TCEAL2: variants seen among roughly 807,000 people sequenced by gnomAD.
The protein encoded by TCEAL2 is transcription elongation factor A protein-like 2.
For synonymous variants in TCEAL2, 65 were observed against 57.9 expected (o/e 1.12, Z -0.55); for missense variants, 169 against 166.6 (o/e 1.01, Z -0.08).
At position 102,126,791 on chromosome X, in the gene TCEAL2, A is replaced by T. The variant is rs752874475; in HGVS notation, c.-27-13A>T. ...CCTCTTTGTCTCCTCTTCCCTCCACACCCATCCCCCAGGAAAGGAAAAGGA... is the reference window on the plus strand; with the variant it reads ...CCTCTTTGTCTCCTCTTCCCTCCACTCCCATCCCCCAGGAAAGGAAAAGGA... On this transcript the variant is annotated splice_polypyrimidine_tract_variant and intron_variant, in intron 2 of 2. Coordinates refer to ENST00000372780, the MANE Select transcript of TCEAL2 (RefSeq NM_080390.4). 3.0e-5 allele frequency: 35 copies of T among 1,171,012 alleles called. No individual in the cohort carries two copies. The highest frequency in any genetic ancestry group is 6.0e-5 in the East Asian group (2 of 33,560).
chrX:102,126,599 C>A (rs1207213447), intron 2 of TCEAL2, among the ~76,000 whole-genome samples, 154 bp downstream of exon 2: 1 of 113,036 alleles, frequency 8.8e-6, no homozygotes, highest in Non-Finnish European at 1.9e-5. Flanking sequence ...GGTGGCAGGG[C>A]CTGCCAGGGA....
intron 2 of TCEAL2, 56 bp from the exon 3 acceptor site, chrX:102,126,748 C>A (rs376713862): frequency 1.7e-5 from 18 of 1,045,066 alleles, no homozygotes; most frequent in African/African-American, 9.5e-5. Context: ...CACCCCATGC[C>A]CTCAGTCTCC....
chrX:102,126,860 A>C lies in TCEAL2; in HGVS notation c.30A>C (p.Gly10=), dbSNP rs769668121. The stretch of plus-strand genomic sequence containing the variant: ...AAAAACTCTTCAATGAAAATGAAGG[A>C]ATGCCTTCGAATCAAGGAAAGATAG... The part of the protein sequence containing the change: MEKLFNENE[G]MPSNQGKIDN... Residue 10 remains glycine (G), a synonymous_variant, in exon 3 of 3, where the codon GGA becomes GGC. Coordinates refer to ENST00000372780, the MANE Select transcript of TCEAL2 (RefSeq NM_080390.4). The C allele has an allele frequency of 8.3e-7, 1 of 1,205,583 alleles. No homozygotes were observed.
In TCEAL2 at chrX:102,127,346, C is replaced by G; in HGVS notation, c.516C>G (p.Asp172Glu). The G allele has an allele frequency of 8.3e-7, 1 of 1,210,828 alleles. No homozygotes were observed. ...ATGAGGACATGATAAGAGAATTTGA[C>G]AACATGGCTAGGGTGGAGGATAAAA... ...FSNEDMIREF[D>E]NMARVEDKRR... Residue 172 changes from aspartate (D) to glutamate (E), a missense_variant, in exon 3 of 3, where the codon GAC becomes GAG. Asp to Glu is a conservative substitution (Grantham distance 45, BLOSUM62 2). Transcript: ENST00000372780.
Position 102,127,017 on chromosome X carries a change from A to G in TCEAL2, c.187A>G (p.Lys63Glu), listed in dbSNP as rs773738962. Residue 63 changes from lysine (K) to glutamate (E), a missense_variant, in exon 3 of 3, where the codon AAG (lysine) becomes GAG (glutamate). By Grantham distance (56) the Lys-to-Glu change is moderately conservative. Coordinates refer to ENST00000372780, the MANE Select transcript of TCEAL2 (RefSeq NM_080390.4). The stretch of plus-strand genomic sequence containing the variant: ...TGAGGAACCGTTAAAGGATAAAGAA[A>G]AGCCAGAGAGTGCGGGAAAGGCAAA... ...RVEEPLKDKEKPESAGKAKGE... is the reference protein window; with the variant it reads ...RVEEPLKDKEEPESAGKAKGE... 1 of 1,207,623 alleles carries G rather than the reference A, an allele frequency of 8.3e-7. No individual in the cohort carries two copies. Among genetic ancestry groups the G allele is most frequent in the African/African-American group, 1.8e-5 (1 of 56,955 alleles).
chrX:102,126,511 C>T, intron 2 of TCEAL2, 66 bp downstream of exon 2: 2 of 802,368 alleles, frequency 2.5e-6, no homozygotes, highest in South Asian at 4.8e-5. Flanking sequence ...AGGGCACAGT[C>T]AGGGCCGAAT....
At position 102,126,794 on chromosome X, in the gene TCEAL2, C is replaced by G. The variant is rs1406206508; in HGVS notation, c.-27-10C>G. The G allele has an allele frequency of 5.1e-6, 6 of 1,176,038 alleles. No homozygotes were observed. In the African/African-American group the frequency reaches 8.9e-5, roughly 18 times the overall value. The stretch of plus-strand genomic sequence containing the variant: ...CTTTGTCTCCTCTTCCCTCCACACC[C>G]ATCCCCCAGGAAAGGAAAAGGAGGG... On this transcript the variant is annotated splice_polypyrimidine_tract_variant and intron_variant, in intron 2 of 2. Transcript: ENST00000372780.
chrX:102,126,695 C>T (rs1280177358), intron 2 of TCEAL2, 109 bp from the exon 3 acceptor site: 1 of 804,031 alleles, frequency 1.2e-6, no homozygotes. Flanking sequence ...TTAGGGGAAC[C>T]CTCACCAGGG....
rs752457922 is a variant in TCEAL2 at position 102,127,368 on chromosome X, A to G, written c.538A>G (p.Lys180Glu). 2.5e-5 allele frequency: 30 copies of G among 1,209,292 alleles called. No individual in the cohort carries two copies. Among genetic ancestry groups the G allele is most frequent in the African/African-American group, 3.5e-5 (2 of 57,105 alleles). ...TGACAACATGGCTAGGGTGGAGGAT[A>G]AAAGGAGAAAAAGCAAACAGAAATT... The part of the protein sequence containing the change: ...EFDNMARVED[K>E]RRKSKQKLGA... Residue 180 changes from lysine (K) to glutamate (E), a missense_variant, in exon 3 of 3, where the codon AAA becomes GAA. Physicochemically the swap from Lys to Glu is moderately conservative, Grantham distance 56. Coordinates refer to ENST00000372780, the MANE Select transcript of TCEAL2 (RefSeq NM_080390.4).
chrX:102,127,052 A>T lies in TCEAL2; in HGVS notation c.222A>T (p.Gly74=). The T allele has an allele frequency of 8.3e-7, 1 of 1,199,497 alleles. No homozygotes were observed. Among genetic ancestry groups the T allele is most frequent in the African/African-American group, 1.7e-5 (1 of 57,325 alleles). ...PESAGKAKGE[G]KSERKGKSEM... ...GTGCGGGAAAGGCAAAAGGAGAAGG[A>T]AAGTCAGAGAGGAAGGGAAAGTCAG... Residue 74 remains glycine (G), a synonymous_variant, in exon 3 of 3, where the codon GGA becomes GGT. Transcript: ENST00000372780.
At position 102,127,580 on chromosome X, in the gene TCEAL2, T is replaced by C. The variant is rs1392490271; in HGVS notation, c.*66T>C. On this transcript the variant is annotated 3_prime_UTR_variant, in exon 3 of 3. Coordinates refer to ENST00000372780, the MANE Select transcript of TCEAL2 (RefSeq NM_080390.4). ...TATGGTAATACTTTGCTTTAGTCGTTCCTCCTGCTACCAGTAGCGTTTTGA... is the reference window on the plus strand; with the variant it reads ...TATGGTAATACTTTGCTTTAGTCGTCCCTCCTGCTACCAGTAGCGTTTTGA... 2 of 1,096,569 alleles carry C rather than the reference T, an allele frequency of 1.8e-6. No individual in the cohort carries two copies. Among genetic ancestry groups the C allele is most frequent in the Middle Eastern group, 3.0e-4 (1 of 3,343 alleles). 90.4% of individuals were successfully genotyped at this position (1,096,569 alleles called of 1,213,427 possible).
Position 102,125,699 on chromosome X carries a change from C to G in TCEAL2, c.-208C>G, listed in dbSNP as rs966694613. ...CCGCCAGCCCGCCCAGCGGTCGGGT[C>G]CGGGCGCCCGCGCAGAATCAGCTGT... On this transcript the variant is annotated 5_prime_UTR_variant, in exon 1 of 3. Transcript: ENST00000372780. 8.9e-6 allele frequency: 1 copy of G among 112,229 alleles called. No homozygotes were observed. The highest frequency in any genetic ancestry group is 1.9e-5 in the Non-Finnish European group (1 of 53,161). The allele number at this position is 112,229 out of a possible 1,213,427, so 9.2% of individuals were successfully genotyped here.
intron 1 of TCEAL2, 25 bp from the exon 2 acceptor site, chrX:102,126,348 G>A (rs754925712): frequency 3.9e-5 from 40 of 1,021,580 alleles, no homozygotes; most frequent in Admixed American, 1.1e-4. Flanking sequence ...CGCAGCCCCT[G>A]CCCCTGTCTC....
chrX:102,127,441 C>T lies in TCEAL2; in HGVS notation c.611C>T (p.Pro204Leu). The T allele has an allele frequency of 8.3e-7, 1 of 1,204,980 alleles. No homozygotes were observed. Residue 204 changes from proline (P) to leucine (L), a missense_variant, in exon 3 of 3, where the codon CCT becomes CTT. Coordinates refer to ENST00000372780, the MANE Select transcript of TCEAL2 (RefSeq NM_080390.4). ...AGAAATTTACAGGACCCCTTCTATC[C>T]TAGGGGTCCAAGGGAATTCAGGGGT... ...MQRNLQDPFY[P>L]RGPREFRGGC...
rs1176696437 is a variant in TCEAL2, at chrX:102,125,707, C to T, written c.-200C>T. ...CCGCCCAGCGGTCGGGTCCGGGCGC[C>T]CGCGCAGAATCAGCTGTCTGAGCTG... On this transcript the variant is annotated 5_prime_UTR_variant, in exon 1 of 3. Coordinates refer to ENST00000372780, the MANE Select transcript of TCEAL2 (RefSeq NM_080390.4). The T allele has an allele frequency of 8.9e-6, 1 of 112,277 alleles. No homozygotes were observed. The highest frequency in any genetic ancestry group is 3.2e-5 in the African/African-American group (1 of 30,908). The allele number at this position is 112,277 out of a possible 1,213,427, so 9.3% of individuals were successfully genotyped here. A position where few individuals can be genotyped will look rare whatever the true frequency, so the allele number is the denominator to read the frequency against.
chrX:102,126,517 C>A, intron 2 of TCEAL2, 72 bp downstream of exon 2: 1 of 745,471 alleles, frequency 1.3e-6, no homozygotes, highest in Non-Finnish European at 2.0e-6. Flanking sequence ...CAGTCAGGGC[C>A]GAATTGGGGC....
At chrX:102,126,321 T>A (rs1376393437) in intron 1 of TCEAL2, 52 bp from the exon 2 acceptor site, 7 of 917,854 alleles carry the variant, frequency 7.6e-6, no homozygotes, top group Non-Finnish European at 1.1e-5. Context: ...ACCGAGTCCC[T>A]GTGAGCCCGC....
In TCEAL2 at chrX:102,127,580, TC is replaced by T; in HGVS notation, c.*68del. ...TATGGTAATACTTTGCTTTAGTCGT[TC>T]CTCCTGCTACCAGTAGCGTTTTGAC... On this transcript the variant is annotated 3_prime_UTR_variant, in exon 3 of 3. Coordinates refer to ENST00000372780, the MANE Select transcript of TCEAL2 (RefSeq NM_080390.4). The T allele has an allele frequency of 9.1e-7, 1 of 1,096,569 alleles. No homozygotes were observed. Among genetic ancestry groups the T allele is most frequent in the African/African-American group, 1.8e-5 (1 of 54,341 alleles). The allele number at this position is 1,096,569 out of a possible 1,213,427, so 90.4% of individuals were successfully genotyped here. A position where few individuals can be genotyped will look rare whatever the true frequency, so the allele number is the denominator to read the frequency against.
chrX:102,126,758 C>T, intron 2 of TCEAL2, 46 bp from the exon 3 acceptor site: 1 of 1,096,698 alleles, frequency 9.1e-7, no homozygotes. Flanking sequence ...CCTCAGTCTC[C>T]CATGTCTCCT....
Sources: gnomAD v4.1 joint callset for allele counts (sites outside exome capture counted in the v4.1 genomes callset) on GRCh38, gnomAD v4.1.1 for gene constraint, MANE v1.5 for transcripts, NCBI Gene and HGNC (gene_info 2026-07-23, HGNC 2026-07-21) for gene names.